The following NCKAP5 variants were observed in gnomAD, a reference collection of about 807,000 sequenced individuals.
NCKAP5 encodes the protein NCK associated protein 5.
In NCKAP5, 92 loss-of-function variants were observed where a neutral mutation model predicts 167.0. The observed-to-expected ratio is 0.55, with a 90% confidence interval of 0.47 to 0.66. NCKAP5 has a LOEUF of 0.66. NCKAP5 is among the 30% of genes least tolerant of loss of function. The pLI is 0.00. For missense variants in NCKAP5, 2,378 were observed against 2,315.0 expected, an observed-to-expected ratio of 1.03 and a Z score of -0.56; for synonymous variants, 891 against 877.4, an observed-to-expected ratio of 1.02 and a Z score of -0.27.
In NCKAP5 at chr2:133,192,079, G is replaced by C. The variant is rs150190534; in HGVS notation, c.207+21637C>G. ...ATTGCTGCAGTAATCATGACTGTGT[G>C]TTATCAGTGGAGGGACGGACATAGA... is the stretch of plus-strand genomic sequence containing the variant. On this transcript the variant is annotated intron_variant, in intron 5 of 19. Coordinates refer to ENST00000409261, the MANE Select transcript of NCKAP5 (RefSeq NM_207363.3). Among the ~76,000 whole-genome samples, 125 of 152,156 alleles carry C rather than the reference G, an allele frequency of 8.2e-4. 1 individual carries two copies. The highest frequency in any genetic ancestry group is 2.7e-3 in the African/African-American group (114 of 41,520).
At chr2:133,128,087 A>G (rs1350580142) in intron 6 of NCKAP5, among the ~76,000 whole-genome samples, 4 of 152,198 alleles carry the variant, frequency 2.6e-5, no homozygotes, top group South Asian at 4.1e-4. Flanking sequence ...CTGGAGGCTC[A>G]ACTGTGTTTG....
chr2:133,058,181 C>A (rs2079868636), intron 6 of NCKAP5, among the ~76,000 whole-genome samples: 1 of 152,158 alleles, frequency 6.6e-6, no homozygotes, highest in South Asian at 2.1e-4. Context: ...CTAGGTCACC[C>A]AAGAGCCCTG....
chr2:133,388,545 C>A (rs1019081193), intron 3 of NCKAP5, among the ~76,000 whole-genome samples: 2 of 152,208 alleles, frequency 1.3e-5, no homozygotes, highest in African/African-American at 4.8e-5. Context: ...GCTGGGAGAA[C>A]CACTACTCTC....
chr2:133,607,305 C>T, the NCKAP5 span, among the ~76,000 whole-genome samples: 8 of 151,970 alleles, frequency 5.3e-5, no homozygotes, highest in African/African-American at 1.7e-4. Flanking sequence ...TTGCTCCCTT[C>T]CCAGTCTACT....
At chr2:133,088,568 G>A (rs1200016946) in intron 6 of NCKAP5, among the ~76,000 whole-genome samples, 2 of 151,776 alleles carry the variant, frequency 1.3e-5, no homozygotes, top group Non-Finnish European at 2.9e-5. Context: ...TTTAAACTGT[G>A]TCATATAATT....
At position 133,348,250 on chromosome 2, in the gene NCKAP5, T is replaced by G. The variant is rs371495407; in HGVS notation, c.70-45140A>C. Reference sequence around the variant, plus strand: ...CCTCCTTCCATTGCTGAATTAAAAATTTAAAAATTCTTTAATGAAGTAAAA... The same window carrying G: ...CCTCCTTCCATTGCTGAATTAAAAAGTTAAAAATTCTTTAATGAAGTAAAA... On this transcript the variant is annotated intron_variant, in intron 3 of 19. Coordinates refer to ENST00000409261, the MANE Select transcript of NCKAP5 (RefSeq NM_207363.3). 5.9e-5 allele frequency among the ~76,000 whole-genome samples: 9 copies of G among 152,284 alleles called. No homozygotes were observed. The East Asian group carries it at 1.3e-3, about 23-fold the overall frequency.
At position 133,516,103 on chromosome 2, in the gene NCKAP5, C is replaced by CT. The variant is rs200757200; in HGVS notation, c.69+1354dup. ...TTTCTTGAGCTGCTCACATCATACC[C>CT]TACGGCTGTCTCTGTCCTTAGCCTA... On this transcript the variant is annotated intron_variant, in intron 3 of 19. Coordinates refer to ENST00000409261, the MANE Select transcript of NCKAP5 (RefSeq NM_207363.3). Among the ~76,000 whole-genome samples the CT allele has an allele frequency of 5.4e-3, 826 of 152,322 alleles. 13 individuals carry two copies. Among genetic ancestry groups the CT allele is most frequent in the Admixed American group, 0.038 (574 of 15,302 alleles).
intron 3 of NCKAP5, among the ~76,000 whole-genome samples, chr2:133,438,693 A>G (rs1690650826): frequency 6.6e-6 from 1 of 152,172 alleles, no homozygotes; most frequent in Non-Finnish European, 1.5e-5. Context: ...TCTGGCACCT[A>G]AAACAAATGC....
chr2:132,890,225 T>A (rs1209666217), intron 8 of NCKAP5, among the ~76,000 whole-genome samples: 1 of 152,176 alleles, frequency 6.6e-6, no homozygotes, highest in Admixed American at 6.5e-5. Flanking sequence ...CAGCCAAAAA[T>A]GTGCTGCTTT....
At position 133,057,407 on chromosome 2, in the gene NCKAP5, G is replaced by C. The variant is rs542914073; in HGVS notation, c.342-63168C>G. Among the ~76,000 whole-genome samples the C allele has an allele frequency of 2.6e-5, 4 of 152,330 alleles. No individual in the cohort carries two copies. The East Asian group carries it at 5.8e-4, about 22-fold the overall frequency. On this transcript the variant is annotated intron_variant, in intron 6 of 19. Transcript: ENST00000409261. ...CCTCTTGCACCAAACAGGTAGCCAA[G>C]TTGTGAATGCAAAGGAAAAACACTT...
At chr2:133,122,300 A>T (rs762036433) in intron 6 of NCKAP5, 14 of 152,252 alleles carry the variant, frequency 9.2e-5, no homozygotes, top group Non-Finnish European at 2.1e-4. Flanking sequence ...ATTATTCTGT[A>T]TCTCACACAT....
intron 2 of NCKAP5, among the ~76,000 whole-genome samples, chr2:133,533,436 C>T (rs994675695): frequency 2.0e-5 from 3 of 152,202 alleles, no homozygotes; most frequent in African/African-American, 7.2e-5. Flanking sequence ...ACTTTGATTA[C>T]ATGAGTTCTT....
chr2:132,879,061 T>C, intron 8 of NCKAP5, 145 bp from the exon 9 acceptor site: 1 of 660,634 alleles, frequency 1.5e-6, no homozygotes, highest in Non-Finnish European at 2.7e-6. Context: ...CTCTAAGTAC[T>C]ATTATAAATA....
chr2:132,996,181 G>C (rs960967147), intron 6 of NCKAP5, among the ~76,000 whole-genome samples: 1 of 152,096 alleles, frequency 6.6e-6, no homozygotes, highest in Admixed American at 6.6e-5. Flanking sequence ...GTGCTTCCTA[G>C]TATGTCATGT....
intron 5 of NCKAP5, among the ~76,000 whole-genome samples, chr2:133,201,605 A>G (rs1339328411): frequency 6.6e-6 from 1 of 152,202 alleles, no homozygotes; most frequent in Non-Finnish European, 1.5e-5. Flanking sequence ...GGTGATAAAG[A>G]TATTCTATAC....
At chr2:132,887,034 C>T (rs550876137) in intron 8 of NCKAP5, among the ~76,000 whole-genome samples, 4 of 152,254 alleles carry the variant, frequency 2.6e-5, no homozygotes, top group Admixed American at 6.5e-5. Context: ...TAAATTTGAT[C>T]ACCTGGTGAA....
At chr2:133,307,364 C>T (rs1376420304) in intron 3 of NCKAP5, among the ~76,000 whole-genome samples, 1 of 151,860 alleles carries the variant, frequency 6.6e-6, no homozygotes, top group Non-Finnish European at 1.5e-5. Flanking sequence ...ATGCAAACAA[C>T]AAACAAAGGG....
At position 132,785,029 on chromosome 2, in the gene NCKAP5, C is replaced by G. The variant is rs543815255; in HGVS notation, c.1782G>C (p.Glu594Asp). The G allele has an allele frequency of 2.0e-5, 32 of 1,614,010 alleles. No homozygotes were observed. Among genetic ancestry groups the G allele is most frequent in the African/African-American group, 1.7e-4 (13 of 75,058 alleles). The part of the protein sequence containing the change: ...DNETFDELHI[E>D]SSDEKSPSDV... ...CTGAAGGACTTTTCTCATCACTGCTCTCTATGTGCAGCTCATCAAACGTTT... is the reference window on the plus strand; with the variant it reads ...CTGAAGGACTTTTCTCATCACTGCTGTCTATGTGCAGCTCATCAAACGTTT... Residue 594 changes from glutamate to aspartate, a missense_variant, in exon 14 of 20, where the codon GAG becomes GAC. Coordinates refer to ENST00000409261, the MANE Select transcript of NCKAP5 (RefSeq NM_207363.3).
chr2:133,261,599 T>C (rs1253314660), intron 4 of NCKAP5, among the ~76,000 whole-genome samples: 2 of 152,216 alleles, frequency 1.3e-5, no homozygotes, highest in African/African-American at 2.4e-5. Context: ...AAGACTGTGT[T>C]CTTCATCTTT....
Sources: allele counts gnomAD v4.1 joint callset (sites outside exome capture counted in the v4.1 genomes callset), GRCh38; gene constraint gnomAD v4.1.1; transcripts MANE v1.5; gene names NCBI Gene and HGNC (gene_info 2026-07-23, HGNC 2026-07-21).